SHC4: variants seen among roughly 807,000 people sequenced by gnomAD.
SHC4 encodes SHC adaptor protein 4, also known as SHC-transforming protein 4.
A neutral mutation model predicts 69.4 loss-of-function variants in SHC4; 41 were observed. The ratio of observed to expected loss-of-function variants is 0.59; its 90% confidence interval spans 0.46 to 0.77. The LOEUF (loss-of-function observed/expected upper bound fraction) is 0.77. Among genes scored for constraint, SHC4 ranks in the 30% least tolerant of loss-of-function variants. The pLI, the probability that SHC4 is intolerant of heterozygous loss-of-function variation, is 0.00. For synonymous variants in SHC4, 318 were observed against 299.3 expected, an observed-to-expected ratio of 1.06 and a Z score of -0.64; for missense variants, 777 against 783.8, an observed-to-expected ratio of 0.99 and a Z score of 0.10.
rs1038238151 is a variant in SHC4, at chr15:48,963,711, G to T, written c.-696C>A. Among the ~76,000 whole-genome samples the T allele has an allele frequency of 1.3e-5, 2 of 152,086 alleles. No homozygotes were observed. Among genetic ancestry groups the T allele is most frequent in the Non-Finnish European group, 2.9e-5 (2 of 68,024 alleles). On this transcript the variant is annotated 5_prime_UTR_variant, in exon 1 of 12. Transcript: ENST00000332408. The stretch of plus-strand genomic sequence containing the variant: ...CGCATTGTTTCACTGACTTGTGATG[G>T]GTCCGTGTTCCTCAGATCCCCTCCC...
chr15:48,955,679 C>T, intron 1 of SHC4, among the ~76,000 whole-genome samples: 1 of 152,202 alleles, frequency 6.6e-6, no homozygotes. Context: ...CTCTTTTCTT[C>T]TCACTGCTAT....
intron 2 of SHC4, among the ~76,000 whole-genome samples, chr15:48,906,271 T>A (rs936131489): frequency 4.6e-5 from 7 of 152,230 alleles, no homozygotes; most frequent in African/African-American, 1.7e-4. Flanking sequence ...AACATTTGAT[T>A]AACAATTTTG....
chr15:48,908,303 T>C (rs1163172535), intron 2 of SHC4, among the ~76,000 whole-genome samples: 2 of 152,236 alleles, frequency 1.3e-5, no homozygotes, highest in Admixed American at 6.5e-5. Flanking sequence ...TCATTAGTGA[T>C]GTTGAGCATT....
chr15:48,932,067 A>G (rs991531338), intron 1 of SHC4, among the ~76,000 whole-genome samples: 3 of 152,104 alleles, frequency 2.0e-5, no homozygotes, highest in Non-Finnish European at 4.4e-5. Context: ...TTGACTTTAG[A>G]ATATGGCCCT....
At chr15:48,877,075 A>C (rs1252950964) in intron 4 of SHC4, 1 of 152,642 alleles carries the variant, frequency 6.6e-6, no homozygotes, top group Non-Finnish European at 1.5e-5. Flanking sequence ...TCTCGATTAA[A>C]GTCAAGGCGG....
chr15:48,855,947 A>G lies in SHC4; in HGVS notation c.1242+6T>C, dbSNP rs1394586892. 18 of 1,606,032 alleles carry G rather than the reference A, an allele frequency of 1.1e-5. No individual in the cohort carries two copies. Among genetic ancestry groups the G allele is most frequent in the Admixed American group, 1.7e-5 (1 of 58,900 alleles). On this transcript the variant is annotated splice_donor_region_variant and intron_variant, in intron 8 of 11. Coordinates refer to ENST00000332408, the MANE Select transcript of SHC4 (RefSeq NM_203349.4). Reference sequence around the variant, plus strand: ...CTGGTTCCAACAACAATAAAACATTACATACCAAATAGCACAACTTTTCAC... The same window carrying G: ...CTGGTTCCAACAACAATAAAACATTGCATACCAAATAGCACAACTTTTCAC...
At chr15:48,959,000 T>C (rs1901496275) in intron 1 of SHC4, among the ~76,000 whole-genome samples, 1 of 152,228 alleles carries the variant, frequency 6.6e-6, no homozygotes, top group African/African-American at 2.4e-5. Flanking sequence ...AAACAGGTGG[T>C]CAGGATTCAT....
At chr15:48,835,929 G>C (rs1898889369) in intron 10 of SHC4, among the ~76,000 whole-genome samples, 1 of 149,162 alleles carries the variant, frequency 6.7e-6, no homozygotes, top group South Asian at 2.1e-4. Context: ...TGTTATCCCA[G>C]CACTTTGGGA....
intron 3 of SHC4, among the ~76,000 whole-genome samples, 183 bp downstream of exon 3, chr15:48,890,565 G>A (rs1900119144): frequency 6.6e-6 from 1 of 152,202 alleles, no homozygotes. Context: ...ACGTCGGACA[G>A]TGTCAGGCAA....
chr15:48,840,875 TA>T (rs1898977017), intron 10 of SHC4, among the ~76,000 whole-genome samples: 1 of 152,146 alleles, frequency 6.6e-6, no homozygotes, highest in African/African-American at 2.4e-5. Flanking sequence ...ACCAAAGGCC[TA>T]AATTATTAAA....
chr15:48,945,359 C>T (rs1046708676), intron 1 of SHC4, among the ~76,000 whole-genome samples: 10 of 151,272 alleles, frequency 6.6e-5, no homozygotes, highest in African/African-American at 2.4e-4. Flanking sequence ...AATCAGTATC[C>T]ACTTCTGGGT....
At chr15:48,871,576 T>C (rs898429697) in intron 5 of SHC4, among the ~76,000 whole-genome samples, 5 of 152,192 alleles carry the variant, frequency 3.3e-5, no homozygotes, top group Non-Finnish European at 7.4e-5. Flanking sequence ...CCCATCTTGG[T>C]AGAGAAGAAC....
At chr15:48,944,533 A>G (rs972236876) in intron 1 of SHC4, among the ~76,000 whole-genome samples, 4 of 152,206 alleles carry the variant, frequency 2.6e-5, no homozygotes, top group African/African-American at 9.6e-5. Context: ...CCAAAGATGG[A>G]AGCCATGTGT....
chr15:48,903,472 ATT>A (rs1190386208), intron 2 of SHC4, among the ~76,000 whole-genome samples: 1 of 152,076 alleles, frequency 6.6e-6, no homozygotes, highest in Non-Finnish European at 1.5e-5. Context: ...TGATATTCCC[ATT>A]TTCCTTTCTT....
chr15:48,880,854 A>C (rs1899925900), intron 4 of SHC4, among the ~76,000 whole-genome samples: 1 of 152,146 alleles, frequency 6.6e-6, no homozygotes, highest in Non-Finnish European at 1.5e-5. Flanking sequence ...TACTTGGTTA[A>C]AATTTGGGTT....
intron 11 of SHC4, among the ~76,000 whole-genome samples, chr15:48,828,220 A>G (rs921459640): frequency 4.6e-5 from 7 of 152,202 alleles, no homozygotes; most frequent in African/African-American, 1.7e-4. Flanking sequence ...TGTTAAGTAC[A>G]ACGTTATACA....
chr15:48,843,107 T>A (rs1437423683), intron 10 of SHC4, among the ~76,000 whole-genome samples: 1 of 151,902 alleles, frequency 6.6e-6, no homozygotes, highest in Admixed American at 6.6e-5. Context: ...TGTTGTCCTG[T>A]AAGAGGAAGG....
At position 48,872,400 on chromosome 15, in the gene SHC4, T is replaced by C. The variant is rs1899695898; in HGVS notation, c.841-258A>G. On this transcript the variant is annotated intron_variant, in intron 4 of 11. Transcript: ENST00000332408. ...AGCCAATCAGAAAATACCATCTCTC[T>C]GGATACAGCAGAGCCAATCAATGTA... Among the ~76,000 whole-genome samples, 4 of 152,318 alleles carry C rather than the reference T, an allele frequency of 2.6e-5. No individual in the cohort carries two copies. In the South Asian group the frequency reaches 8.3e-4, roughly 32 times the overall value.
chr15:48,915,363 T>A (rs1293186450), intron 2 of SHC4, among the ~76,000 whole-genome samples: 1 of 152,182 alleles, frequency 6.6e-6, no homozygotes, highest in African/African-American at 2.4e-5. Context: ...AATGACTAGA[T>A]CTTTGAAGGC....
Sources: allele counts gnomAD v4.1 joint callset (sites outside exome capture counted in the v4.1 genomes callset), GRCh38; gene constraint gnomAD v4.1.1; transcripts MANE v1.5; gene names NCBI Gene and HGNC (gene_info 2026-07-23, HGNC 2026-07-21).